The following EPC1 variants were observed in gnomAD, a reference collection of about 807,000 sequenced individuals.
EPC1 encodes enhancer of polycomb 1.
A neutral mutation model predicts 98.4 loss-of-function variants in EPC1; 12 were observed. The ratio of observed to expected loss-of-function variants is 0.12; its 90% CI spans 0.08 to 0.20. The LOEUF is 0.20. EPC1 is among the 10% of genes least tolerant of loss of function. EPC1 has a pLI of 1.00. For synonymous variants in EPC1, 357 were observed against 363.9 expected (o/e 0.98, Z 0.21); for missense variants, 729 against 990.5 (o/e 0.74, Z 3.54).
At chr10:32,305,502 T>G (rs1592575709) in intron 2 of EPC1, among the ~76,000 whole-genome samples, 1 of 26,102 alleles carries the variant, frequency 3.8e-5, no homozygotes, top group African/African-American at 5.1e-5. Flanking sequence ...TATATCTGAG[T>G]TTTTTTTTTT....
intron 2 of EPC1, among the ~76,000 whole-genome samples, chr10:32,294,831 T>A (rs899574291): frequency 1.3e-5 from 2 of 152,162 alleles, no homozygotes; most frequent in Non-Finnish European, 2.9e-5. Context: ...ATAAGGCCCT[T>A]TTTTCCTATT....
At chr10:32,376,446 A>G (rs1839873490) in intron 1 of EPC1, among the ~76,000 whole-genome samples, 1 of 152,104 alleles carries the variant, frequency 6.6e-6, no homozygotes, top group Non-Finnish European at 1.5e-5. Context: ...GTTAGATAAT[A>G]TATTTACACC....
Position 32,355,692 on chromosome 10 carries a change from C to A in EPC1, c.3+22799G>T, listed in dbSNP as rs1216607714. ...TGCAGTGGCATGATCTTGGCTGCAA[C>A]CTCCGCCTCCTGAGTTCAAGCCATT... On this transcript the variant is annotated intron_variant, in intron 1 of 13. Transcript: ENST00000375110. Among the ~76,000 whole-genome samples the A allele has an allele frequency of 2.0e-5, 3 of 147,728 alleles. No homozygotes were observed. The East Asian group carries it at 5.9e-4, about 29-fold the overall frequency.
chr10:32,271,482 G>C, intron 13 of EPC1, 72 bp downstream of exon 13: 1 of 1,477,796 alleles, frequency 6.8e-7, no homozygotes, highest in Non-Finnish European at 9.2e-7. Context: ...AAAGAAATAG[G>C]TAAAGAACGA....
chr10:32,363,382 A>AT (rs767138417), intron 1 of EPC1, among the ~76,000 whole-genome samples: 2 of 152,264 alleles, frequency 1.3e-5, no homozygotes, highest in East Asian at 3.9e-4. Context: ...TGCTCAGCCC[A>AT]TTTTTTCTTG....
chr10:32,331,198 TTTAA>T (rs1299356690), intron 1 of EPC1, among the ~76,000 whole-genome samples: 1 of 151,966 alleles, frequency 6.6e-6, no homozygotes, highest in African/African-American at 2.4e-5. Context: ...AAAAGGAAAC[TTTAA>T]TTAACTGGGC....
chr10:32,365,664 A>T (rs1839578365), intron 1 of EPC1, among the ~76,000 whole-genome samples: 1 of 144,388 alleles, frequency 6.9e-6, no homozygotes, highest in Non-Finnish European at 1.5e-5. Flanking sequence ...AATTCAAAAA[A>T]GAAAAAACTG....
intron 1 of EPC1, among the ~76,000 whole-genome samples, chr10:32,370,565 G>A (rs970269101): frequency 1.3e-5 from 2 of 152,152 alleles, no homozygotes; most frequent in Non-Finnish European, 2.9e-5. Flanking sequence ...CTCCATACAG[G>A]CAGAGTTGAG....
intron 1 of EPC1, chr10:32,345,081 GA>G: frequency 1.1e-6 from 1 of 905,984 alleles, no homozygotes; most frequent in Non-Finnish European, 1.3e-6. Flanking sequence ...GTAAAACTTA[GA>G]AATAAAAATA....
intron 1 of EPC1, among the ~76,000 whole-genome samples, chr10:32,339,404 G>A (rs1281502032): frequency 6.6e-6 from 1 of 152,026 alleles, no homozygotes; most frequent in African/African-American, 2.4e-5. Flanking sequence ...AATTAGCTGG[G>A]CATGGTGGCA....
In EPC1 at chr10:32,284,764, G is replaced by T; in HGVS notation, c.1678C>A (p.Gln560Lys). The part of the protein sequence containing the change: ...YRSINRTGTA[Q>K]PGTQTCSTST... Reference sequence around the variant, plus strand: ...GTACTGCATGTCTGGGTCCCAGGTTGTGCTGTTCCTGTTCGGTTTATACTC... The same window carrying T: ...GTACTGCATGTCTGGGTCCCAGGTTTTGCTGTTCCTGTTCGGTTTATACTC... The change falls in exon 10 of 14, where the codon CAA becomes AAA. Residue 560 changes from glutamine (Q) to lysine (K), a missense_variant. This residue lies in a region of EPC1 where 390 missense variants were observed against 438.6 expected (regional missense o/e 0.89). Transcript: ENST00000319778. 1 of 1,614,172 alleles carries T rather than the reference G, an allele frequency of 6.2e-7. No homozygotes were observed. Among genetic ancestry groups the T allele is most frequent in the Non-Finnish European group, 8.5e-7 (1 of 1,180,032 alleles).
At chr10:32,344,739 A>G (rs1592624158) in intron 1 of EPC1, among the ~76,000 whole-genome samples, 2 of 152,240 alleles carry the variant, frequency 1.3e-5, no homozygotes, top group East Asian at 1.9e-4. Flanking sequence ...GTGAGCCGAG[A>G]TGCTGCCACT....
intron 2 of EPC1, among the ~76,000 whole-genome samples, chr10:32,298,768 A>G (rs117261125): frequency 4.6e-3 from 700 of 152,344 alleles, no homozygotes; most frequent in Non-Finnish European, 7.1e-3. Flanking sequence ...TTTCGTACAT[A>G]AAGTTCTCTG....
In EPC1 at chr10:32,360,012, A is replaced by C. The variant is rs60050645; in HGVS notation, c.3+18479T>G. 8.8e-3 allele frequency among the ~76,000 whole-genome samples: 1,328 copies of C among 151,202 alleles called. 22 individuals are homozygous for C. The highest frequency in any genetic ancestry group is 0.029 in the African/African-American group (1,195 of 41,104). On this transcript the variant is annotated intron_variant, in intron 1 of 13. Coordinates refer to the EPC1 transcript ENST00000375110. ...TTTGTATCATTCGTATGTTTGTATC[A>C]TTAGTAGTTTTGTATCATTCATGTT...
At chr10:32,371,878 G>C (rs568299818) in intron 1 of EPC1, among the ~76,000 whole-genome samples, 2 of 150,458 alleles carry the variant, frequency 1.3e-5, no homozygotes, top group East Asian at 4.0e-4. Context: ...ACTTCAGACT[G>C]GGCAGCAGAG....
intron 10 of EPC1, among the ~76,000 whole-genome samples, chr10:32,275,845 G>A (rs1415042272): frequency 1.3e-5 from 2 of 151,918 alleles, no homozygotes; most frequent in Non-Finnish European, 2.9e-5. Context: ...GCTGAGGCAG[G>A]AGAATCGCTT....
At chr10:32,301,434 T>G (rs76164690) in intron 2 of EPC1, among the ~76,000 whole-genome samples, 17,459 of 152,228 alleles carry the variant, frequency 0.11, 1,356 homozygotes, top group South Asian at 0.25. Context: ...ACAAGTTTAT[T>G]CTAAAGTTTA....
At chr10:32,291,410 T>C in intron 5 of EPC1, 88 bp from the exon 6 acceptor site, 1 of 1,020,332 alleles carries the variant, frequency 9.8e-7, no homozygotes, top group South Asian at 1.8e-5. Context: ...TGTGAAATAA[T>C]TACCACAATC....
chr10:32,275,143 A>G (rs1461437028), intron 10 of EPC1, among the ~76,000 whole-genome samples: 1 of 152,270 alleles, frequency 6.6e-6, no homozygotes, highest in African/African-American at 2.4e-5. Context: ...ATATATATGA[A>G]AGAAAGTATT....
Sources: gnomAD v4.1 joint callset for allele counts (sites outside exome capture counted in the v4.1 genomes callset) on GRCh38, gnomAD v4.1.1 for gene constraint, gnomAD v4.1.1 regional missense constraint, MANE v1.5 for transcripts, NCBI Gene and HGNC (gene_info 2026-07-23, HGNC 2026-07-21) for gene names.